CNTRL: variants seen among roughly 807,000 people sequenced by gnomAD.
CNTRL encodes the protein centriolin, also known as 110 kDa centrosomal protein.
Under a neutral mutation model 303.7 loss-of-function variants are expected in CNTRL, and 233 were observed. That is an observed-to-expected ratio of 0.77 (90% CI 0.69 to 0.86). The LOEUF (loss-of-function observed/expected upper bound fraction) is 0.86. Ranked by LOEUF, CNTRL falls within the 40% of genes least tolerant of loss-of-function variation. CNTRL has a pLI of 0.00. For missense variants in CNTRL, 2,524 were observed against 2,650.6 expected (o/e 0.95, Z 1.05); for synonymous variants, 900 against 922.2 (o/e 0.98, Z 0.44).
chr9:121,141,562 G>A lies in CNTRL; in HGVS notation c.2665G>A (p.Ala889Thr), dbSNP rs17292952. 0.038 allele frequency: 61,904 copies of A among 1,614,024 alleles called. 1,343 individuals carry two copies. Among genetic ancestry groups the A allele is most frequent in the Non-Finnish European group, 0.043 (50,209 of 1,179,954 alleles). Reference sequence around the variant, plus strand: ...AACTGGACAAGAAGAGTTCAGGCAGGCCTGTGAGAGAGCCCTGGAAGCAAG... The same window carrying A: ...AACTGGACAAGAAGAGTTCAGGCAGACCTGTGAGAGAGCCCTGGAAGCAAG... ...LATGQEEFRQ[A>T]CERALEARMN... The change falls in exon 18 of 44, where the codon GCC becomes ACC. Residue 889 changes from alanine (A) to threonine (T), a missense_variant. Physicochemically the swap from Ala to Thr is moderately conservative, Grantham distance 58. Transcript: ENST00000373855.
intron 31 of CNTRL, 62 bp downstream of exon 31, chr9:121,159,081 GTATT>G (rs1163565180): frequency 7.0e-7 from 1 of 1,436,504 alleles, no homozygotes; most frequent in Non-Finnish European, 9.5e-7. Context: ...TTACTTTGAT[GTATT>G]TTCATTGCTT....
At chr9:121,147,194 G>C (rs980410287) in intron 23 of CNTRL, among the ~76,000 whole-genome samples, 1 of 152,128 alleles carries the variant, frequency 6.6e-6, no homozygotes, top group Non-Finnish European at 1.5e-5. Flanking sequence ...GTAGAGATGG[G>C]GTTTTGCCAT....
intron 4 of CNTRL, among the ~76,000 whole-genome samples, chr9:121,092,711 TA>T (rs2048693492): frequency 2.2e-5 from 1 of 45,434 alleles, no homozygotes; most frequent in African/African-American, 7.0e-5. Flanking sequence ...TCTATATATA[TA>T]ATATATATCT....
intron 42 of CNTRL, among the ~76,000 whole-genome samples, chr9:121,174,198 A>C (rs1171245078): frequency 6.6e-6 from 1 of 152,170 alleles, no homozygotes; most frequent in African/African-American, 2.4e-5. Context: ...GCAGCCAAAA[A>C]TAGGAGTCTA....
rs1427721631 is a variant in CNTRL at position 121,125,707 on chromosome 9, C to G, written c.1805-9C>G. 3.1e-6 allele frequency: 5 copies of G among 1,608,768 alleles called. No individual in the cohort carries two copies. The highest frequency in any genetic ancestry group is 4.2e-6 in the Non-Finnish European group (5 of 1,178,006). On this transcript the variant is annotated splice_polypyrimidine_tract_variant and intron_variant, in intron 13 of 43. Transcript: ENST00000373855. Reference sequence around the variant, plus strand: ...AGATATATTATTACCCTTTTTGCATCTTGCTTAGGCCAGATAGCAGCAAAT... The same window carrying G: ...AGATATATTATTACCCTTTTTGCATGTTGCTTAGGCCAGATAGCAGCAAAT...
At chr9:121,155,039 C>T in intron 27 of CNTRL, 126 bp downstream of exon 27, 1 of 802,886 alleles carries the variant, frequency 1.2e-6, no homozygotes, top group Non-Finnish European at 2.1e-6. Context: ...AGCCAGGTTC[C>T]AGGCTGGACT....
chr9:121,176,046 G>T (rs957828120), intron 43 of CNTRL, among the ~76,000 whole-genome samples: 4 of 152,174 alleles, frequency 2.6e-5, no homozygotes, highest in Admixed American at 2.6e-4. Context: ...CATGGAACTG[G>T]TAAGTAGTAG....
intron 23 of CNTRL, among the ~76,000 whole-genome samples, chr9:121,147,634 A>G (rs1357364960): frequency 6.6e-6 from 1 of 152,090 alleles, no homozygotes; most frequent in Non-Finnish European, 1.5e-5. Context: ...CTGAATGTTG[A>G]AAGTGAGGAG....
At chr9:121,168,047 G>A in intron 37 of CNTRL, 49 bp from the exon 38 acceptor site, 1 of 1,501,512 alleles carries the variant, frequency 6.7e-7, no homozygotes, top group Non-Finnish European at 9.1e-7. Flanking sequence ...CAGGTTCTCT[G>A]GGACACTATT....
chr9:121,099,514 C>T (rs1055825059), intron 7 of CNTRL, among the ~76,000 whole-genome samples: 7 of 152,218 alleles, frequency 4.6e-5, no homozygotes, highest in Non-Finnish European at 8.8e-5. Flanking sequence ...CAAAGGAATG[C>T]AGCTCCTCAC....
At chr9:121,086,087 C>T (rs1351568937) in intron 2 of CNTRL, among the ~76,000 whole-genome samples, 1 of 152,032 alleles carries the variant, frequency 6.6e-6, no homozygotes, top group African/African-American at 2.4e-5. Flanking sequence ...TGGATAGAGA[C>T]GAATTTCAAA....
chr9:121,109,550 T>C (rs1180364784), intron 8 of CNTRL, among the ~76,000 whole-genome samples: 1 of 149,996 alleles, frequency 6.7e-6, no homozygotes, highest in Admixed American at 6.8e-5. Context: ...CAATTTTTGC[T>C]ATTAGAGACA....
intron 4 of CNTRL, among the ~76,000 whole-genome samples, chr9:121,094,281 G>A (rs147142476): frequency 6.6e-5 from 10 of 152,284 alleles, no homozygotes; most frequent in East Asian, 5.8e-4. Flanking sequence ...TTGAGGTGCT[G>A]CATCTAGGGA....
Position 121,167,574 on chromosome 9 carries a change from G to A in CNTRL, c.5741G>A (p.Arg1914Lys), listed in dbSNP as rs773227998. The change falls in exon 37 of 44, where the codon AGG becomes AAG. Residue 1914 changes from arginine (R) to lysine (K), a missense_variant. Transcript: ENST00000373855. ...AAGGACATCAGTGAATGGGCAAATA[G>A]GTTTGAAGACTGTCAGAAAGAAGAG... ...LQKDISEWAN[R>K]FEDCQKEEET... 4 of 1,614,000 alleles carry A rather than the reference G, an allele frequency of 2.5e-6. No homozygotes were observed. The highest frequency in any genetic ancestry group is 1.7e-5 in the Admixed American group (1 of 59,996).
chr9:121,166,018 C>T (rs576963961), intron 35 of CNTRL, 89 bp from the exon 36 acceptor site: 1 of 983,410 alleles, frequency 1.0e-6, no homozygotes, highest in South Asian at 1.4e-5. Flanking sequence ...AAGCTTAAAA[C>T]AACTTCTCTA....
In CNTRL at chr9:121,146,089, G is replaced by A. The variant is rs1453234845; in HGVS notation, c.3311-19G>A. 1.3e-6 allele frequency: 2 copies of A among 1,577,226 alleles called. No individual in the cohort carries two copies. Among genetic ancestry groups the A allele is most frequent in the African/African-American group, 1.4e-5 (1 of 73,092 alleles). ...TAAGTGATTTCATATCAATTTCATA[G>A]AATGACTTTTCTTTACAGACAACAA... is the stretch of plus-strand genomic sequence containing the variant. On this transcript the variant is annotated intron_variant, in intron 22 of 43. Transcript: ENST00000373855.
chr9:121,172,338 T>C (rs2053344149), intron 40 of CNTRL, among the ~76,000 whole-genome samples: 1 of 152,120 alleles, frequency 6.6e-6, no homozygotes, highest in African/African-American at 2.4e-5. Flanking sequence ...ATGCAGTTGG[T>C]AACACTTTAA....
In CNTRL at chr9:121,162,225, C is replaced by T. The variant is rs751148936; in HGVS notation, c.5377C>T (p.Gln1793Ter). 3 of 1,613,984 alleles carry T rather than the reference C, an allele frequency of 1.9e-6. No individual in the cohort carries two copies. The highest frequency in any genetic ancestry group is 1.7e-5 in the Admixed American group (1 of 60,018). Residue 1793 changes from glutamine (Q) to a stop codon, truncating the protein, a stop_gained, in exon 34 of 44, where the codon CAA becomes TAA. Transcript: ENST00000373855. LOFTEE classifies it high-confidence loss of function. Reference protein sequence around the residue: ...ECLSKEKEDLQEKCDIWEKKL... With the variant: ...ECLSKEKEDL ...TTTGAGCAAAGAAAAGGAAGATCTCCAAGAGAAATGTGACATTTGGGAAAA... is the reference window on the plus strand; with the variant it reads ...TTTGAGCAAAGAAAAGGAAGATCTCTAAGAGAAATGTGACATTTGGGAAAA...
At chr9:121,091,811 T>A (rs563743235) in intron 4 of CNTRL, among the ~76,000 whole-genome samples, 1 of 151,372 alleles carries the variant, frequency 6.6e-6, no homozygotes, top group African/African-American at 2.4e-5. Context: ...GCCATTGTAC[T>A]CTAGCCTGGG....
Sources: gnomAD v4.1 joint callset for allele counts (sites outside exome capture counted in the v4.1 genomes callset) on GRCh38, gnomAD v4.1.1 for gene constraint, MANE v1.5 for transcripts, NCBI Gene and HGNC (gene_info 2026-07-23, HGNC 2026-07-21) for gene names.